KIAA0825: variants seen among roughly 807,000 people sequenced by gnomAD.
The protein encoded by KIAA0825 is uncharacterized protein KIAA0825.
In KIAA0825, 119 loss-of-function variants were observed where a neutral mutation model predicts 147.6. The observed-to-expected ratio is 0.81, with a 90% CI of 0.69 to 0.94. The LOEUF is 0.94. Ranked by LOEUF, KIAA0825 falls within the 40% of genes least tolerant of loss-of-function variation. KIAA0825 has a pLI of 0.00. For synonymous variants in KIAA0825, 470 were observed against 518.1 expected (o/e 0.91, Z 1.26); for missense variants, 1,381 against 1,472.7 (o/e 0.94, Z 1.02).
At chr5:94,257,927 GAGTT>G (rs1562337890) in intron 20 of KIAA0825, among the ~76,000 whole-genome samples, 2 of 152,006 alleles carry the variant, frequency 1.3e-5, no homozygotes, top group Non-Finnish European at 2.9e-5. Flanking sequence ...AGAATTTAAG[GAGTT>G]AGTTCAAAAT....
chr5:94,274,001 T>A lies in KIAA0825; in HGVS notation c.3710+110367A>T, dbSNP rs1030647479. On this transcript the variant is annotated intron_variant, in intron 20 of 20. Transcript: ENST00000682413. ...TATAATTGGTACAGAATAGAAAATA[T>A]GTGCCAGAAAGAACATGGTGTGCTC... is the stretch of plus-strand genomic sequence containing the variant. Among the ~76,000 whole-genome samples, 4 of 152,176 alleles carry A rather than the reference T, an allele frequency of 2.6e-5. No homozygotes were observed. The South Asian group carries it at 8.3e-4, about 31-fold the overall frequency.
At chr5:94,517,405 C>CAGAT (rs965229096) in intron 5 of KIAA0825, among the ~76,000 whole-genome samples, 51 of 151,932 alleles carry the variant, frequency 3.4e-4, no homozygotes, top group Middle Eastern at 3.4e-3. Flanking sequence ...TCACATTAGA[C>CAGAT]AGATAGATAG....
Position 94,307,349 on chromosome 5 carries a change from C to T in KIAA0825, c.3710+77019G>A, listed in dbSNP as rs2150191131. Among the ~76,000 whole-genome samples the T allele has an allele frequency of 2.0e-5, 3 of 151,806 alleles. No individual in the cohort carries two copies. The South Asian group carries it at 6.2e-4, about 31-fold the overall frequency. ...TTAGTTTTGGCTGCCTATAATAGTACCTATGCCCCTGTCACCCTCTGATGT... is the reference window on the plus strand; with the variant it reads ...TTAGTTTTGGCTGCCTATAATAGTATCTATGCCCCTGTCACCCTCTGATGT... On this transcript the variant is annotated intron_variant, in intron 20 of 20. Coordinates refer to ENST00000682413, the MANE Select transcript of KIAA0825 (RefSeq NM_001145678.3).
chr5:94,425,268 C>CA (rs955478279), intron 14 of KIAA0825, among the ~76,000 whole-genome samples: 12 of 151,674 alleles, frequency 7.9e-5, no homozygotes, highest in Admixed American at 5.3e-4. Context: ...AACAGCACAT[C>CA]AAAAAAAATA....
At position 94,471,725 on chromosome 5, in the gene KIAA0825, A is replaced by C; in HGVS notation, c.1462T>G (p.Ser488Ala). ...GTGTCAAGTTTTTCCATGATGTCAGAACAAAACTAGGGAGAAATAAATGTG... is the reference window on the plus strand; with the variant it reads ...GTGTCAAGTTTTTCCATGATGTCAGCACAAAACTAGGGAGAAATAAATGTG... ...EQPKKIGKFC[S>A]DIMEKLDTML... Residue 488 changes from serine to alanine, a missense_variant, in exon 9 of 21, where the codon TCT (serine) becomes GCT (alanine). Coordinates refer to ENST00000682413, the MANE Select transcript of KIAA0825 (RefSeq NM_001145678.3). 1 of 1,552,318 alleles carries C rather than the reference A, an allele frequency of 6.4e-7. No individual in the cohort carries two copies. The highest frequency in any genetic ancestry group is 1.2e-5 in the South Asian group (1 of 84,054).
chr5:94,522,485 A>G (rs1216803252), intron 4 of KIAA0825, among the ~76,000 whole-genome samples: 1 of 151,682 alleles, frequency 6.6e-6, no homozygotes, highest in African/African-American at 2.4e-5. Context: ...TAGATTACAG[A>G]GGTTTAGAAC....
At chr5:94,521,652 A>G (rs1380620071) in intron 4 of KIAA0825, among the ~76,000 whole-genome samples, 1 of 151,750 alleles carries the variant, frequency 6.6e-6, no homozygotes, top group Non-Finnish European at 1.5e-5. Context: ...ATTCCTTTAT[A>G]CTTTCTGTGC....
At chr5:94,584,843 C>T (rs1016807568) in intron 1 of KIAA0825, among the ~76,000 whole-genome samples, 2 of 152,212 alleles carry the variant, frequency 1.3e-5, no homozygotes, top group African/African-American at 4.8e-5. Flanking sequence ...GCAGATCTCT[C>T]TGCAGAAACC....
At chr5:94,342,770 C>A (rs560770232) in intron 20 of KIAA0825, among the ~76,000 whole-genome samples, 25 of 151,812 alleles carry the variant, frequency 1.6e-4, no homozygotes, top group South Asian at 6.3e-4. Flanking sequence ...AAGCTGTTAA[C>A]CAAGGCAATA....
chr5:94,474,586 T>C (rs1301522240), intron 7 of KIAA0825, among the ~76,000 whole-genome samples: 1 of 152,142 alleles, frequency 6.6e-6, no homozygotes, highest in African/African-American at 2.4e-5. Flanking sequence ...TATGTACAAC[T>C]CATTCAGCAA....
intron 2 of KIAA0825, among the ~76,000 whole-genome samples, chr5:94,576,988 A>G (rs1006445730): frequency 2.0e-5 from 3 of 152,250 alleles, no homozygotes; most frequent in Non-Finnish European, 1.5e-5. Flanking sequence ...AATTTAACGT[A>G]TGTGTGTACA....
Position 94,484,922 on chromosome 5 carries a change from C to G in KIAA0825, c.979G>C (p.Glu327Gln). ...RGAVHALVTT[E>Q]CPQKGRNFSL... Reference sequence around the variant, plus strand: ...AAGTTTCTTCCTTTCTGTGGGCATTCAGTAGTAACTGTGAAAAGAAAAGAT... The same window carrying G: ...AAGTTTCTTCCTTTCTGTGGGCATTGAGTAGTAACTGTGAAAAGAAAAGAT... The change falls in exon 6 of 21, where the codon GAA becomes CAA. Residue 327 changes from glutamate to glutamine, a missense_variant. Coordinates refer to ENST00000682413, the MANE Select transcript of KIAA0825 (RefSeq NM_001145678.3). 1 of 1,498,968 alleles carries G rather than the reference C, an allele frequency of 6.7e-7. No individual in the cohort carries two copies. Among genetic ancestry groups the G allele is most frequent in the Non-Finnish European group, 9.0e-7 (1 of 1,113,898 alleles). The allele number at this position is 1,498,968 out of a possible 1,614,324, so 92.9% of individuals were successfully genotyped here.
At chr5:94,474,826 G>T (rs556071995) in intron 7 of KIAA0825, among the ~76,000 whole-genome samples, 118 of 152,246 alleles carry the variant, frequency 7.8e-4, no homozygotes, top group Admixed American at 1.9e-3. Flanking sequence ...CAAAAATCAT[G>T]CCAGTAATCC....
Position 94,605,874 on chromosome 5 carries a change from G to A in KIAA0825, c.-153+12626C>T, listed in dbSNP as rs926927565. On this transcript the variant is annotated intron_variant, in intron 1 of 20. Coordinates refer to ENST00000682413, the MANE Select transcript of KIAA0825 (RefSeq NM_001145678.3). The stretch of plus-strand genomic sequence containing the variant: ...AACTGGCATGAGGATGCCCTCTCTC[G>A]CCACTTCCATTCAACATAGTATCAA... Among the ~76,000 whole-genome samples the A allele has an allele frequency of 1.4e-4, 21 of 152,170 alleles. No homozygotes were observed. The South Asian group carries it at 1.7e-3, about 12-fold the overall frequency.
At chr5:94,360,879 G>C (rs1485936958) in intron 20 of KIAA0825, among the ~76,000 whole-genome samples, 1 of 152,070 alleles carries the variant, frequency 6.6e-6, no homozygotes, top group Non-Finnish European at 1.5e-5. Context: ...ACTTTACTCT[G>C]TGGACTCACC....
intron 20 of KIAA0825, among the ~76,000 whole-genome samples, chr5:94,305,597 AAAT>A (rs973069274): frequency 2.0e-5 from 3 of 152,020 alleles, no homozygotes; most frequent in South Asian, 2.1e-4. Context: ...CACGTATAAA[AAAT>A]AATAAGGTGA....
intron 20 of KIAA0825, among the ~76,000 whole-genome samples, chr5:94,364,252 C>A (rs929160029): frequency 2.0e-5 from 3 of 151,384 alleles, no homozygotes; most frequent in African/African-American, 7.3e-5. Context: ...GGATGGAGGG[C>A]CTGAGTGGGT....
intron 20 of KIAA0825, among the ~76,000 whole-genome samples, chr5:94,223,499 C>T (rs1443672673): frequency 1.3e-5 from 2 of 152,160 alleles, no homozygotes; most frequent in Non-Finnish European, 2.9e-5. Flanking sequence ...ATCAGTGTGC[C>T]ACATATTCTT....
chr5:94,271,156 A>G (rs560275207), intron 20 of KIAA0825, among the ~76,000 whole-genome samples: 2 of 152,286 alleles, frequency 1.3e-5, no homozygotes, highest in African/African-American at 4.8e-5. Context: ...TAAATCTAAG[A>G]CCTCAAACTA....
Sources: gnomAD v4.1 joint callset for allele counts (sites outside exome capture counted in the v4.1 genomes callset) on GRCh38, gnomAD v4.1.1 for gene constraint, MANE v1.5 for transcripts, NCBI Gene and HGNC (gene_info 2026-07-23, HGNC 2026-07-21) for gene names.